The following RBFOX1 variants were observed in gnomAD, a reference collection of about 807,000 sequenced individuals.
RBFOX1 encodes RNA binding fox-1 homolog 1.
In RBFOX1, 8 loss-of-function variants were observed where a neutral mutation model predicts 57.7. The ratio of observed to expected loss-of-function variants is 0.14; its 90% CI spans 0.08 to 0.25. The LOEUF (loss-of-function observed/expected upper bound fraction) is 0.25, where lower values mean the gene tolerates loss of function less well. Among genes scored for constraint, RBFOX1 ranks in the 10% least tolerant of loss-of-function variants. RBFOX1 has a pLI of 1.00. For synonymous variants in RBFOX1, 326 were observed against 222.4 expected (o/e 1.47, Z -4.15); for missense variants, 611 against 548.5 (o/e 1.11, Z -1.14).
In RBFOX1 at chr16:7,510,456, T is replaced by C. The variant is rs185538170; in HGVS notation, c.28-7691T>C. On this transcript the variant is annotated intron_variant, in intron 4 of 15. Coordinates refer to ENST00000550418, the MANE Select transcript of RBFOX1 (RefSeq NM_018723.4). Reference sequence around the variant, plus strand: ...ATGCCCGGGGAAAGGAGAGGAGTTTTGGTGAAGAGAGTGTGTGTGTGTATG... The same window carrying C: ...ATGCCCGGGGAAAGGAGAGGAGTTTCGGTGAAGAGAGTGTGTGTGTGTATG... The C allele has an allele frequency of 1.9e-4, 122 of 655,664 alleles. No individual in the cohort carries two copies. The African/African-American group carries it at 2.3e-3, about 12-fold the overall frequency. 40.6% of individuals were successfully genotyped at this position (655,664 alleles called of 1,614,324 possible).
At chr16:6,840,601 G>T (rs557830794) in intron 3 of RBFOX1, among the ~76,000 whole-genome samples, 2 of 151,990 alleles carry the variant, frequency 1.3e-5, no homozygotes, top group Non-Finnish European at 2.9e-5. Context: ...TCATAAAAAG[G>T]CTTGAGTCTG....
In RBFOX1 at chr16:7,150,381, T is replaced by A. The variant is rs543326205; in HGVS notation, c.27+98283T>A. 2.0e-5 allele frequency among the ~76,000 whole-genome samples: 3 copies of A among 152,282 alleles called. No individual in the cohort carries two copies. In the East Asian group the frequency reaches 5.8e-4, roughly 29 times the overall value. ...ACGTTAATGCCCTATGATTTGAGAT[T>A]ATTTGAGAACGTCATGAATTGGTCC... On this transcript the variant is annotated intron_variant, in intron 4 of 15. Transcript: ENST00000550418.
At chr16:6,840,014 A>C (rs1699610007) in intron 3 of RBFOX1, among the ~76,000 whole-genome samples, 2 of 152,182 alleles carry the variant, frequency 1.3e-5, no homozygotes, top group Admixed American at 1.3e-4. Flanking sequence ...TATCTGTAGC[A>C]ACTATGGACC....
chr16:5,835,895 C>G (rs1406612501), intron 3 of RBFOX1, among the ~76,000 whole-genome samples: 1 of 152,156 alleles, frequency 6.6e-6, no homozygotes, highest in South Asian at 2.1e-4. Context: ...GAGAGAGACA[C>G]CTGCCTGGCC....
chr16:7,618,404 C>G (rs2058797983), intron 10 of RBFOX1, among the ~76,000 whole-genome samples: 1 of 152,016 alleles, frequency 6.6e-6, no homozygotes, highest in Non-Finnish European at 1.5e-5. Context: ...GTTCAGCAAC[C>G]CTGCAGATTG....
chr16:6,102,177 CAA>C (rs371780023), intron 1 of RBFOX1, among the ~76,000 whole-genome samples: 8,165 of 113,922 alleles, frequency 0.072, 712 homozygotes, highest in African/African-American at 0.22. Context: ...CTCTTTCAGC[CAA>C]AAAAAAAAAA....
chr16:6,381,816 G>C (rs558443612), intron 2 of RBFOX1, among the ~76,000 whole-genome samples: 21 of 152,208 alleles, frequency 1.4e-4, no homozygotes, highest in Non-Finnish European at 2.9e-4. Context: ...GGACTTCATC[G>C]CATTATCATG....
At chr16:5,789,924 G>A (rs2054631701) in intron 3 of RBFOX1, among the ~76,000 whole-genome samples, 1 of 152,224 alleles carries the variant, frequency 6.6e-6, no homozygotes, top group Non-Finnish European at 1.5e-5. Flanking sequence ...TATGGGCTGT[G>A]CTAGCTGCGG....
Position 7,686,183 on chromosome 16 carries a change from G to A in RBFOX1, c.995+9345G>A, listed in dbSNP as rs898733178. ...TGTGGGATTATCGTGTTCTGTTCTC[G>A]AGTGAAAAAAAAAACAAGGAGTTTC... On this transcript the variant is annotated intron_variant, in intron 14 of 15. Coordinates refer to ENST00000550418, the MANE Select transcript of RBFOX1 (RefSeq NM_018723.4). Among the ~76,000 whole-genome samples, 30 of 148,948 alleles carry A rather than the reference G, an allele frequency of 2.0e-4. No individual in the cohort carries two copies. In the East Asian group the frequency reaches 3.3e-3, roughly 16 times the overall value.
chr16:6,604,185 C>G (rs930665608), intron 2 of RBFOX1, among the ~76,000 whole-genome samples: 3 of 151,868 alleles, frequency 2.0e-5, no homozygotes, highest in African/African-American at 7.3e-5. Context: ...TGTGATCAAC[C>G]CAGCAATTCC....
intron 14 of RBFOX1, among the ~76,000 whole-genome samples, chr16:7,703,436 G>A (rs1387000233): frequency 6.6e-6 from 1 of 150,512 alleles, no homozygotes; most frequent in Non-Finnish European, 1.5e-5. Context: ...TGCTCCACAG[G>A]ATTCACCCAG....
intron 2 of RBFOX1, among the ~76,000 whole-genome samples, chr16:5,553,748 T>TA (rs1156813130): frequency 6.1e-4 from 90 of 147,226 alleles, no homozygotes; most frequent in East Asian, 1.6e-3. Context: ...TATGTGTGTA[T>TA]TTATGTATAT....
chr16:5,936,708 A>G (rs2059175548), intron 4 of RBFOX1, among the ~76,000 whole-genome samples: 1 of 152,198 alleles, frequency 6.6e-6, no homozygotes, highest in Non-Finnish European at 1.5e-5. Context: ...CCTCACCTAA[A>G]TCATTGTACT....
At chr16:6,338,212 G>A (rs2084034720) in intron 2 of RBFOX1, among the ~76,000 whole-genome samples, 1 of 152,060 alleles carries the variant, frequency 6.6e-6, no homozygotes, top group Non-Finnish European at 1.5e-5. Flanking sequence ...CTCTTCACTT[G>A]AATACCTTCC....
chr16:5,247,776 C>T (rs374457352), intron 1 of RBFOX1, among the ~76,000 whole-genome samples: 3 of 152,170 alleles, frequency 2.0e-5, no homozygotes, highest in East Asian at 1.9e-4. Context: ...CCTTGTACCC[C>T]GACAGTCTTA....
intron 14 of RBFOX1, among the ~76,000 whole-genome samples, chr16:7,678,485 C>G (rs1009479401): frequency 2.0e-5 from 3 of 152,118 alleles, no homozygotes; most frequent in African/African-American, 7.2e-5. Flanking sequence ...GAAAATATCT[C>G]TAGATGCTAA....
chr16:6,909,470 C>T (rs544459909), intron 3 of RBFOX1, among the ~76,000 whole-genome samples: 3 of 152,318 alleles, frequency 2.0e-5, no homozygotes, highest in East Asian at 3.9e-4. Flanking sequence ...GATTACGATG[C>T]AGGCATCTTT....
At chr16:5,524,053 G>A (rs973674191) in intron 2 of RBFOX1, among the ~76,000 whole-genome samples, 1 of 152,202 alleles carries the variant, frequency 6.6e-6, no homozygotes, top group Non-Finnish European at 1.5e-5. Flanking sequence ...TGTGCTGTTT[G>A]CAATTTAAAG....
chr16:6,532,317 T>C (rs534124640), intron 2 of RBFOX1, among the ~76,000 whole-genome samples: 7 of 152,268 alleles, frequency 4.6e-5, no homozygotes, highest in African/African-American at 1.7e-4. Context: ...AGTGAGCAAG[T>C]GATCTCCATT....
Sources: allele counts gnomAD v4.1 joint callset (sites outside exome capture counted in the v4.1 genomes callset), GRCh38; gene constraint gnomAD v4.1.1; transcripts MANE v1.5; gene names NCBI Gene and HGNC (gene_info 2026-07-23, HGNC 2026-07-21).